Variants in PILRB observed in about 807,000 individuals in gnomAD.
PILRB encodes the protein paired immunoglobin like type 2 receptor beta, also known as paired immunoglobulin-like type 2 receptor beta.
A neutral mutation model predicts 20.5 loss-of-function variants in PILRB; 21 were observed. The ratio of observed to expected loss-of-function variants is 1.02; its 90% CI spans 0.72 to 1.47. The LOEUF (loss-of-function observed/expected upper bound fraction) is 1.47. Ranked by LOEUF, PILRB falls within the 40% of genes most tolerant of loss-of-function variation. PILRB has a pLI of 0.00. For synonymous variants in PILRB, 133 were observed against 115.1 expected (o/e 1.16, Z -0.99); for missense variants, 253 against 272.1 (o/e 0.93, Z 0.49).
chr7:100,359,968 A>G (rs1401517899), intron 3 of PILRB, among the ~76,000 whole-genome samples: 1 of 152,208 alleles, frequency 6.6e-6, no homozygotes, highest in Non-Finnish European at 1.5e-5. Flanking sequence ...GGTTGCAGTG[A>G]GTCAAGGTCG....
Position 100,362,669 on chromosome 7 carries a change from C to T in PILRB, c.655+3132C>T, listed in dbSNP as rs182950029. Among the ~76,000 whole-genome samples, 539 of 152,106 alleles carry T rather than the reference C, an allele frequency of 3.5e-3. 4 individuals are homozygous for T. Among genetic ancestry groups the T allele is most frequent in the African/African-American group, 0.012 (510 of 41,482 alleles). ...GATTACAGGTGTGCACCACTATGCC[C>T]GGCTAATTTTTGTATTTTTGGAAGA... is the stretch of plus-strand genomic sequence containing the variant. On this transcript the variant is annotated intron_variant, in intron 3 of 3. Transcript: ENST00000609309.
intron 3 of PILRB, among the ~76,000 whole-genome samples, chr7:100,366,652 C>T (rs900532266): frequency 5.8e-4 from 88 of 151,870 alleles, no homozygotes; most frequent in Non-Finnish European, 8.8e-4. Context: ...ATGAGGCTCC[C>T]AAGGCTGGAG....
At chr7:100,360,454 G>A (rs139912870) in intron 3 of PILRB, among the ~76,000 whole-genome samples, 176 of 152,348 alleles carry the variant, frequency 1.2e-3, no homozygotes, top group Non-Finnish European at 1.7e-3. Flanking sequence ...AGCCTGGCAA[G>A]AGGTGAGGAT....
chr7:100,366,256 GGT>G (rs1174871623), intron 3 of PILRB, among the ~76,000 whole-genome samples: 18 of 152,262 alleles, frequency 1.2e-4, no homozygotes, highest in African/African-American at 4.3e-4. Flanking sequence ...ACCCACCTTA[GGT>G]GTTAGGCTGG....
chr7:100,364,822 C>T (rs986451435), intron 3 of PILRB, among the ~76,000 whole-genome samples: 1 of 152,180 alleles, frequency 6.6e-6, no homozygotes, highest in South Asian at 2.1e-4. Context: ...AAACAAAATA[C>T]GGTGTCTGTA....
At chr7:100,359,208 C>T (rs1790455672) in intron 2 of PILRB, 129 bp downstream of exon 2, 3 of 1,495,394 alleles carry the variant, frequency 2.0e-6, no homozygotes, top group African/African-American at 2.8e-5. Flanking sequence ...CTACCCCTTC[C>T]ATGTCTGGGC....
intron 3 of PILRB, among the ~76,000 whole-genome samples, chr7:100,366,110 C>T (rs940272523): frequency 4.6e-5 from 7 of 151,954 alleles, no homozygotes; most frequent in South Asian, 2.1e-4. Context: ...CATGCCACCA[C>T]GCCCGGCTAA....
At position 100,358,306 on chromosome 7, in the gene PILRB, G is replaced by T; in HGVS notation, c.4G>T (p.Gly2Cys). Residue 2 changes from glycine (G) to cysteine (C), a missense_variant, in exon 1 of 4, where the codon GGT (glycine) becomes TGT (cysteine). Physicochemically the swap from Gly to Cys is radical, Grantham distance 159 (BLOSUM62 -3). Transcript: ENST00000609309. ...TCCCCTGGAGAAGAACAAGGCCATG[G>T]GTCGGCCCCTGCTGCTGCCCCTGCT... M[G>C]RPLLLPLLLL... 1 of 1,612,738 alleles carries T rather than the reference G, an allele frequency of 6.2e-7. No homozygotes were observed. The highest frequency in any genetic ancestry group is 8.5e-7 in the Non-Finnish European group (1 of 1,179,988).
intron 3 of PILRB, among the ~76,000 whole-genome samples, chr7:100,364,209 A>C (rs1790611416): frequency 6.6e-6 from 1 of 152,196 alleles, no homozygotes; most frequent in South Asian, 2.1e-4. Context: ...CAAGGGTGCC[A>C]AGATGACCAC....
intron 3 of PILRB, among the ~76,000 whole-genome samples, chr7:100,362,091 G>A (rs900604325): frequency 2.6e-5 from 4 of 152,156 alleles, no homozygotes; most frequent in African/African-American, 7.2e-5. Flanking sequence ...TCAGCAGGAA[G>A]CTTGGAGAAT....
intron 3 of PILRB, among the ~76,000 whole-genome samples, chr7:100,359,841 G>A (rs899041712): frequency 1.3e-5 from 2 of 152,132 alleles, no homozygotes; most frequent in African/African-American, 4.8e-5. Context: ...TGGCCAACAT[G>A]GTGACACCCC....
intron 3 of PILRB, among the ~76,000 whole-genome samples, chr7:100,365,006 GTTAT>G (rs987439559): frequency 1.1e-4 from 16 of 151,960 alleles, no homozygotes; most frequent in Admixed American, 7.2e-4. Flanking sequence ...TTTTTATTTA[GTTAT>G]TTATTTTGAG....
chr7:100,360,020 TCAAACAAA>T (rs72418187), intron 3 of PILRB, among the ~76,000 whole-genome samples: 10 of 151,838 alleles, frequency 6.6e-5, no homozygotes, highest in South Asian at 2.1e-4. Context: ...AGACTCTGTC[TCAAACAAA>T]CAAACAAACA....
intron 3 of PILRB, 95 bp from the exon 4 acceptor site, chr7:100,367,254 C>T: frequency 1.3e-6 from 1 of 777,542 alleles, no homozygotes; most frequent in Non-Finnish European, 2.4e-6. Flanking sequence ...TGAGTTTTTG[C>T]CACCTCCCAC....
At chr7:100,358,577 C>T (rs532219034) in intron 1 of PILRB, 113 bp from the exon 2 acceptor site, 1 of 1,407,504 alleles carries the variant, frequency 7.1e-7, no homozygotes, top group African/African-American at 1.4e-5. Context: ...TCAGTCCAGC[C>T]ACCTGTCACA....
chr7:100,364,952 T>C (rs1790633428), intron 3 of PILRB, among the ~76,000 whole-genome samples: 1 of 151,892 alleles, frequency 6.6e-6, no homozygotes, highest in African/African-American at 2.4e-5. Context: ...AGATCCTGTC[T>C]ATTAAAAAAA....
chr7:100,361,414 A>AGGC (rs1790522609), intron 3 of PILRB, among the ~76,000 whole-genome samples: 1 of 152,180 alleles, frequency 6.6e-6, no homozygotes, highest in Non-Finnish European at 1.5e-5. Context: ...TCTTCAGGCC[A>AGGC]GGCACGGTGG....
chr7:100,358,817 TC>T lies in PILRB; in HGVS notation c.195del (p.Asn66ThrfsTer2). On this transcript the variant is annotated frameshift_variant, in exon 2 of 4. Transcript: ENST00000609309. LOFTEE classifies it high-confidence loss of function. The part of the protein sequence containing the change: ...FYYPWELAIV[P>X]NVRISWRRGH... ...ATTACCCCTGGGAGTTAGCCATAGT[TC>T]CCAACGTGAGAATATCCTGGAGACG... is the stretch of plus-strand genomic sequence containing the variant. The T allele has an allele frequency of 6.2e-7, 1 of 1,609,880 alleles. No homozygotes were observed. The highest frequency in any genetic ancestry group is 8.5e-7 in the Non-Finnish European group (1 of 1,176,190).
intron 3 of PILRB, among the ~76,000 whole-genome samples, chr7:100,361,325 A>G (rs755553135): frequency 7.2e-5 from 11 of 152,182 alleles, no homozygotes; most frequent in Admixed American, 2.0e-4. Context: ...CCAGTTCAAA[A>G]GAGAGGACAA....
Sources: gnomAD v4.1 joint callset for allele counts (sites outside exome capture counted in the v4.1 genomes callset) on GRCh38, gnomAD v4.1.1 for gene constraint, MANE v1.5 for transcripts, NCBI Gene and HGNC (gene_info 2026-07-23, HGNC 2026-07-21) for gene names.